DACH2: variants seen among roughly 807,000 people sequenced by gnomAD.
DACH2 encodes the protein dachshund homolog 2.
DACH2 carries 17 observed loss-of-function variants against 35.8 expected under a neutral mutation model. That is an observed-to-expected ratio of 0.48 (90% confidence interval 0.33 to 0.71). The LOEUF (loss-of-function observed/expected upper bound fraction) is 0.71. Among genes scored for constraint, DACH2 ranks in the 30% least tolerant of loss-of-function variants. DACH2 has a pLI of 0.02. For missense variants in DACH2, 469 were observed against 472.7 expected, an observed-to-expected ratio of 0.99 and a Z score of 0.07; for synonymous variants, 195 against 177.3, an observed-to-expected ratio of 1.10 and a Z score of -0.79.
chrX:86,394,040 G>A (rs747291892), intron 2 of DACH2, among the ~76,000 whole-genome samples: 10 of 107,174 alleles, frequency 9.3e-5, no homozygotes, highest in Non-Finnish European at 1.3e-4. Context: ...TACAGCTACC[G>A]CTCTCCCATG....
At chrX:86,295,654 G>A (rs1316711522) in intron 1 of DACH2, among the ~76,000 whole-genome samples, 1 of 110,916 alleles carries the variant, frequency 9.0e-6, no homozygotes, top group Non-Finnish European at 1.9e-5. Context: ...CTCCTTGGTC[G>A]GACATCAGCT....
At chrX:86,770,704 C>CA (rs1221270423) in intron 7 of DACH2, among the ~76,000 whole-genome samples, 1 of 111,492 alleles carries the variant, frequency 9.0e-6, no homozygotes, top group Non-Finnish European at 1.9e-5. Context: ...TATCTATAAC[C>CA]AAATAATTAA....
intron 2 of DACH2, among the ~76,000 whole-genome samples, chrX:86,457,954 G>T (rs1255617721): frequency 1.8e-5 from 2 of 111,904 alleles, no homozygotes; most frequent in East Asian, 5.6e-4. Flanking sequence ...GATAGTCCCT[G>T]GGAATATTTA....
At chrX:86,569,314 G>A (rs2039334132) in intron 3 of DACH2, among the ~76,000 whole-genome samples, 1 of 111,275 alleles carries the variant, frequency 9.0e-6, no homozygotes, top group Non-Finnish European at 1.9e-5. Context: ...GGATCTAATA[G>A]CTTTTGAAAT....
intron 2 of DACH2, among the ~76,000 whole-genome samples, chrX:86,415,465 C>T (rs1401418587): frequency 8.9e-6 from 1 of 111,910 alleles, no homozygotes; most frequent in Non-Finnish European, 1.9e-5. Context: ...ATTGTGATTT[C>T]CTTCTACATC....
chrX:86,305,966 G>C (rs1276615880), intron 1 of DACH2, among the ~76,000 whole-genome samples: 1 of 111,549 alleles, frequency 9.0e-6, no homozygotes, highest in East Asian at 2.8e-4. Flanking sequence ...GCAATGATAC[G>C]GTTAAAAGAG....
At chrX:86,664,729 G>A (rs772682730) in intron 4 of DACH2, among the ~76,000 whole-genome samples, 2 of 112,168 alleles carry the variant, frequency 1.8e-5, no homozygotes, top group South Asian at 3.7e-4. Flanking sequence ...CATGATTGCC[G>A]AGTTAGCAGA....
At chrX:86,661,375 C>T in intron 4 of DACH2, among the ~76,000 whole-genome samples, 1 of 112,524 alleles carries the variant, frequency 8.9e-6, no homozygotes, top group Non-Finnish European at 1.9e-5. Context: ...TCTACTATTA[C>T]ATTGTACTCT....
At chrX:86,577,771 G>T (rs1337203243) in intron 3 of DACH2, among the ~76,000 whole-genome samples, 1 of 111,193 alleles carries the variant, frequency 9.0e-6, no homozygotes, top group Admixed American at 9.6e-5. Context: ...TTGACCAATG[G>T]TTTAATCAAT....
At position 86,265,674 on chromosome X, in the gene DACH2, C is replaced by A. The variant is rs945953465; in HGVS notation, c.489-111150C>A. Among the ~76,000 whole-genome samples, 29 of 111,148 alleles carry A rather than the reference C, an allele frequency of 2.6e-4. 1 individual carries two copies. Among genetic ancestry groups the A allele is most frequent in the Non-Finnish European group, 1.9e-5 (1 of 52,997 alleles). The stretch of plus-strand genomic sequence containing the variant: ...CTTGCATCTTGTGAAAGAGTTGGTG[C>A]CTGTTAAAGCATATTCCACAGATTC... On this transcript the variant is annotated intron_variant, in intron 1 of 11. Transcript: ENST00000373125.
intron 7 of DACH2, among the ~76,000 whole-genome samples, chrX:86,794,460 G>A (rs1169304214): frequency 9.0e-6 from 1 of 110,540 alleles, no homozygotes; most frequent in Non-Finnish European, 1.9e-5. Context: ...TGGCCTCGGT[G>A]CTGATATGGG....
chrX:86,714,154 A>G (rs2041309286), intron 5 of DACH2, among the ~76,000 whole-genome samples: 1 of 111,932 alleles, frequency 8.9e-6, no homozygotes, highest in East Asian at 2.8e-4. Context: ...AAGAAATTGT[A>G]AAGCTGTCAA....
intron 4 of DACH2, among the ~76,000 whole-genome samples, chrX:86,686,071 T>TGAACTCAGATTTTTC (rs2040939205): frequency 8.9e-6 from 1 of 111,825 alleles, no homozygotes; most frequent in African/African-American, 3.2e-5. Context: ...ATCACTGTCT[T>TGAACTCAGATTTTTC]GAACTCAGAT....
At chrX:86,566,719 TTCA>T (rs58642717) in intron 3 of DACH2, among the ~76,000 whole-genome samples, 18 of 108,965 alleles carry the variant, frequency 1.7e-4, no homozygotes, top group African/African-American at 4.6e-4. Flanking sequence ...GCAAGTGTAC[TTCA>T]TCATCATCAT....
At chrX:86,532,660 C>A (rs965144934) in intron 3 of DACH2, among the ~76,000 whole-genome samples, 6 of 111,058 alleles carry the variant, frequency 5.4e-5, no homozygotes, top group Non-Finnish European at 9.4e-5. Context: ...TTCTTTATAG[C>A]AGTATGAAAA....
intron 2 of DACH2, among the ~76,000 whole-genome samples, chrX:86,462,603 T>C (rs1328322250): frequency 9.0e-6 from 1 of 111,648 alleles, no homozygotes; most frequent in African/African-American, 3.2e-5. Flanking sequence ...CAATACAGGC[T>C]GTTTTCTATC....
At chrX:86,367,188 G>A (rs747385118) in intron 1 of DACH2, among the ~76,000 whole-genome samples, 7 of 100,129 alleles carry the variant, frequency 7.0e-5, no homozygotes, top group Non-Finnish European at 1.0e-4. Context: ...TTTTATTATA[G>A]TATAGATTAT....
chrX:86,450,113 G>C (rs1400300593), intron 2 of DACH2, among the ~76,000 whole-genome samples: 1 of 110,754 alleles, frequency 9.0e-6, no homozygotes, highest in Non-Finnish European at 1.9e-5. Flanking sequence ...AGGATGTGTA[G>C]GTTTGGTACA....
chrX:86,496,988 A>G (rs755055077), intron 2 of DACH2, among the ~76,000 whole-genome samples: 1 of 112,319 alleles, frequency 8.9e-6, no homozygotes, highest in Admixed American at 9.4e-5. Context: ...AATCCTCATT[A>G]CAGGAATGCT....
Sources: gnomAD v4.1 joint callset for allele counts (sites outside exome capture counted in the v4.1 genomes callset) on GRCh38, gnomAD v4.1.1 for gene constraint, MANE v1.5 for transcripts, NCBI Gene and HGNC (gene_info 2026-07-23, HGNC 2026-07-21) for gene names.